The following HTR1F variants were observed in gnomAD, a reference collection of about 807,000 sequenced individuals.
The protein encoded by HTR1F is 5-hydroxytryptamine receptor 1F, also known as 5-hydroxytryptamine (serotonin) receptor 1F, G protein-coupled.
HTR1F carries 17 observed loss-of-function variants against 24.0 expected under a neutral mutation model. The observed-to-expected ratio is 0.71, with a 90% CI of 0.48 to 1.06. The LOEUF is 1.06. Among genes scored for constraint, HTR1F ranks in the 50% least tolerant of loss-of-function variants. The pLI is 0.00. For synonymous variants in HTR1F, 186 were observed against 156.8 expected (o/e 1.19, Z -1.39); for missense variants, 391 against 427.8 (o/e 0.91, Z 0.76).
At chr3:87,817,259 GC>G (rs1271190300) in intron 1 of HTR1F, among the ~76,000 whole-genome samples, 1 of 152,088 alleles carries the variant, frequency 6.6e-6, no homozygotes, top group East Asian at 1.9e-4. Flanking sequence ...GTTTGGCAAT[GC>G]ATTTTAAACC....
At chr3:87,921,878 C>A (rs1704020117) in intron 2 of HTR1F, among the ~76,000 whole-genome samples, 1 of 151,778 alleles carries the variant, frequency 6.6e-6, no homozygotes, top group Non-Finnish European at 1.5e-5. Flanking sequence ...ATCCATGTTG[C>A]CAACAGTGAT....
chr3:87,951,697 G>A (rs1478556679), intron 2 of HTR1F, among the ~76,000 whole-genome samples: 2 of 151,990 alleles, frequency 1.3e-5, no homozygotes, highest in African/African-American at 2.4e-5. Flanking sequence ...GTTCACTCTT[G>A]ATGTTGTATA....
Position 87,991,083 on chromosome 3 carries a change from T to G in HTR1F, c.334T>G (p.Leu112Val), listed in dbSNP as rs767153747. Residue 112 changes from leucine to valine, a missense_variant, in exon 3 of 3, where the codon TTG becomes GTG. Physicochemically the swap from Leu to Val is conservative, Grantham distance 32 (BLOSUM62 1). Transcript: ENST00000319595. ...VDITCCTCSILHLSAIALDRY... is the reference protein window; with the variant it reads ...VDITCCTCSIVHLSAIALDRY... Reference sequence around the variant, plus strand: ...CATTACCTGCTGCACGTGCTCCATCTTGCATCTCTCAGCTATAGCTTTGGA... The same window carrying G: ...CATTACCTGCTGCACGTGCTCCATCGTGCATCTCTCAGCTATAGCTTTGGA... The G allele has an allele frequency of 6.2e-7, 1 of 1,613,976 alleles. No homozygotes were observed. Among genetic ancestry groups the G allele is most frequent in the Middle Eastern group, 1.7e-4 (1 of 6,060 alleles).
At chr3:87,902,086 A>G (rs1160682146) in intron 2 of HTR1F, among the ~76,000 whole-genome samples, 1 of 152,136 alleles carries the variant, frequency 6.6e-6, no homozygotes, top group Non-Finnish European at 1.5e-5. Flanking sequence ...ATTTAGGTGG[A>G]AATTGGATTC....
At chr3:87,947,808 A>G (rs1704744644) in intron 2 of HTR1F, among the ~76,000 whole-genome samples, 1 of 151,932 alleles carries the variant, frequency 6.6e-6, no homozygotes, top group Admixed American at 6.6e-5. Context: ...TATAACTATT[A>G]TGTTTATTGA....
chr3:87,810,868 G>A (rs1159422331), intron 1 of HTR1F, among the ~76,000 whole-genome samples: 2 of 152,254 alleles, frequency 1.3e-5, no homozygotes, highest in Middle Eastern at 3.4e-3. Context: ...CTTTGCACAG[G>A]AGTTAATTTT....
chr3:87,805,658 C>G (rs1432554104), intron 1 of HTR1F, among the ~76,000 whole-genome samples: 1 of 151,954 alleles, frequency 6.6e-6, no homozygotes, highest in Non-Finnish European at 1.5e-5. Flanking sequence ...CTTCTAACTA[C>G]TTTGAAATAT....
chr3:87,984,581 G>A (rs1705622067), intron 2 of HTR1F, among the ~76,000 whole-genome samples: 1 of 152,074 alleles, frequency 6.6e-6, no homozygotes, highest in East Asian at 1.9e-4. Flanking sequence ...TCCTCTCTCA[G>A]CTTCCCAAGT....
At chr3:87,849,913 A>G (rs541356611) in intron 2 of HTR1F, among the ~76,000 whole-genome samples, 1 of 152,104 alleles carries the variant, frequency 6.6e-6, no homozygotes, top group South Asian at 2.1e-4. Flanking sequence ...ATGAGATACC[A>G]TCTCACACCA....
At chr3:87,863,236 T>G (rs919683144) in intron 2 of HTR1F, among the ~76,000 whole-genome samples, 14 of 151,820 alleles carry the variant, frequency 9.2e-5, no homozygotes, top group African/African-American at 1.5e-4. Context: ...TTTGGGGGGG[T>G]TTTGTTGGTT....
intron 2 of HTR1F, among the ~76,000 whole-genome samples, chr3:87,939,680 G>A (rs190113098): frequency 6.6e-6 from 1 of 152,214 alleles, no homozygotes; most frequent in East Asian, 1.9e-4. Flanking sequence ...TCGGATAGTA[G>A]TTTGTATTTC....
At chr3:87,937,699 G>A (rs1704458961) in intron 2 of HTR1F, among the ~76,000 whole-genome samples, 3 of 152,190 alleles carry the variant, frequency 2.0e-5, no homozygotes, top group African/African-American at 7.2e-5. Flanking sequence ...TGAGGCAGGA[G>A]GATCACAAGG....
chr3:87,952,289 A>T (rs1006018122), intron 2 of HTR1F, among the ~76,000 whole-genome samples: 2 of 152,038 alleles, frequency 1.3e-5, no homozygotes, highest in African/African-American at 4.8e-5. Context: ...GACCTTTTTA[A>T]TATTTATCAG....
chr3:87,915,533 T>C (rs569846514), intron 2 of HTR1F, among the ~76,000 whole-genome samples: 2 of 152,100 alleles, frequency 1.3e-5, no homozygotes, highest in South Asian at 2.1e-4. Flanking sequence ...TCAGGAAACA[T>C]TGGACACACT....
At chr3:87,948,791 T>C (rs1704770473) in intron 2 of HTR1F, among the ~76,000 whole-genome samples, 1 of 152,238 alleles carries the variant, frequency 6.6e-6, no homozygotes, top group Non-Finnish European at 1.5e-5. Flanking sequence ...TTTTATGTAC[T>C]ATTATTTTAA....
chr3:87,937,589 CA>C (rs1447188876), intron 2 of HTR1F, among the ~76,000 whole-genome samples: 6 of 152,234 alleles, frequency 3.9e-5, no homozygotes, highest in Admixed American at 2.0e-4. Flanking sequence ...CACTGCTATT[CA>C]ACATAGTACT....
rs1220261615 is a variant in HTR1F, at chr3:87,941,372, C to T, written c.-42-49336C>T. ...GCTGGATACGATCCTCACGGAGGGC[C>T]CTGGTGCCTTTGGGTAATTTTGGCC... On this transcript the variant is annotated intron_variant, in intron 2 of 2. Coordinates refer to ENST00000319595, the MANE Select transcript of HTR1F (RefSeq NM_001322209.2). Among the ~76,000 whole-genome samples the T allele has an allele frequency of 4.6e-5, 7 of 152,144 alleles. No homozygotes were observed. In the East Asian group the frequency reaches 1.2e-3, roughly 25 times the overall value.
chr3:87,841,162 T>C (rs1189242395), intron 2 of HTR1F, among the ~76,000 whole-genome samples: 5 of 151,912 alleles, frequency 3.3e-5, no homozygotes, highest in Non-Finnish European at 7.4e-5. Flanking sequence ...CATACACTCA[T>C]AGCAAAACAT....
intron 2 of HTR1F, among the ~76,000 whole-genome samples, chr3:87,973,523 T>C (rs964771293): frequency 6.6e-6 from 1 of 152,228 alleles, no homozygotes; most frequent in Non-Finnish European, 1.5e-5. Flanking sequence ...TATAACCGTC[T>C]ATGCATAATA....
Sources: gnomAD v4.1 joint callset for allele counts (sites outside exome capture counted in the v4.1 genomes callset) on GRCh38, gnomAD v4.1.1 for gene constraint, MANE v1.5 for transcripts, NCBI Gene and HGNC (gene_info 2026-07-23, HGNC 2026-07-21) for gene names.